KLF12: variants seen among roughly 807,000 people sequenced by gnomAD.
The protein encoded by KLF12 is KLF transcription factor 12, also known as Krueppel-like factor 12.
Under a neutral mutation model 37.8 loss-of-function variants are expected in KLF12, and 9 were observed. The observed-to-expected ratio is 0.24, with a 90% CI of 0.14 to 0.42. The LOEUF is 0.42. Among genes scored for constraint, KLF12 ranks in the 10% least tolerant of loss-of-function variants. The probability of loss-of-function intolerance (pLI) is 1.00; values close to 1 mark genes in which losing one functional copy is unlikely to be tolerated. For synonymous variants in KLF12, 208 were observed against 202.1 expected, an observed-to-expected ratio of 1.03 and a Z score of -0.25; for missense variants, 411 against 516.0, an observed-to-expected ratio of 0.80 and a Z score of 1.97.
At chr13:74,283,858 C>CTT in the KLF12 span, among the ~76,000 whole-genome samples, 235 of 143,544 alleles carry the variant, frequency 1.6e-3, 1 homozygote, top group Middle Eastern at 0.011. Flanking sequence ...ATGTATAAAT[C>CTT]TTTTTTTTTT....
intron 1 of KLF12, among the ~76,000 whole-genome samples, chr13:74,072,794 T>G (rs530715166): frequency 1.3e-5 from 2 of 152,288 alleles, no homozygotes; most frequent in African/African-American, 4.8e-5. Flanking sequence ...AAACTCTCCT[T>G]TCTTAAATAA....
At chr13:74,232,744 A>T in the KLF12 span, among the ~76,000 whole-genome samples, 1 of 152,210 alleles carries the variant, frequency 6.6e-6, no homozygotes, top group Non-Finnish European at 1.5e-5. Context: ...TTCTATTTCT[A>T]TCTTGATAAT....
At chr13:73,909,469 C>A (rs1015087680) in intron 3 of KLF12, among the ~76,000 whole-genome samples, 4 of 152,126 alleles carry the variant, frequency 2.6e-5, no homozygotes, top group African/African-American at 9.7e-5. Context: ...CACATATATG[C>A]CTGTTCCTCT....
At chr13:74,279,099 T>C in the KLF12 span, among the ~76,000 whole-genome samples, 1 of 152,180 alleles carries the variant, frequency 6.6e-6, no homozygotes, top group Non-Finnish European at 1.5e-5. Flanking sequence ...TGGGTCATAT[T>C]ACTCTGCCCA....
intron 1 of KLF12, among the ~76,000 whole-genome samples, chr13:74,066,005 A>T (rs891202514): frequency 6.6e-6 from 1 of 152,146 alleles, no homozygotes; most frequent in Non-Finnish European, 1.5e-5. Context: ...CGCGGACATA[A>T]AAAGATTAGG....
chr13:73,716,881 C>CA (rs1376457553), intron 6 of KLF12, among the ~76,000 whole-genome samples: 1 of 152,026 alleles, frequency 6.6e-6, no homozygotes, highest in African/African-American at 2.4e-5. Context: ...TAACCATCTC[C>CA]AAAATCAGAA....
chr13:73,748,374 G>A (rs922013606), intron 6 of KLF12, among the ~76,000 whole-genome samples: 5 of 152,088 alleles, frequency 3.3e-5, no homozygotes, highest in African/African-American at 4.8e-5. Context: ...AAATTCACAC[G>A]TTGAAGCCAT....
At chr13:73,873,320 C>T (rs899314680) in intron 3 of KLF12, among the ~76,000 whole-genome samples, 48 of 152,026 alleles carry the variant, frequency 3.2e-4, no homozygotes, top group African/African-American at 1.1e-3. Flanking sequence ...TATCATCTGC[C>T]AGACAACTGA....
chr13:73,853,057 T>G (rs992875081), intron 3 of KLF12, among the ~76,000 whole-genome samples: 8 of 151,744 alleles, frequency 5.3e-5, no homozygotes, highest in African/African-American at 1.9e-4. Context: ...TTAGTAGAGA[T>G]AGGGTTTCAC....
chr13:74,111,939 G>C (rs907133298), intron 1 of KLF12, among the ~76,000 whole-genome samples: 4 of 152,118 alleles, frequency 2.6e-5, no homozygotes, highest in Admixed American at 2.6e-4. Flanking sequence ...TTTAAGGCTA[G>C]AAAGTCATAA....
In KLF12 at chr13:73,845,861, C is replaced by A. The variant is rs1193526247; in HGVS notation, c.636G>T (p.Val212=). 1 of 1,613,964 alleles carries A rather than the reference C, an allele frequency of 6.2e-7. No individual in the cohort carries two copies. The highest frequency in any genetic ancestry group is 8.5e-7 in the Non-Finnish European group (1 of 1,179,874). The change falls in exon 4 of 8, where the codon GTG becomes GTT. Residue 212 remains valine (V), a synonymous_variant. Coordinates refer to ENST00000377669, the MANE Select transcript of KLF12 (RefSeq NM_007249.5). ...GGCCTCTCCCATCCTCCAAAAGCGG[C>A]ACGACAATAGTGTTGTTCACATTTC...
At chr13:73,868,908 A>G (rs1028548660) in intron 3 of KLF12, among the ~76,000 whole-genome samples, 1 of 152,180 alleles carries the variant, frequency 6.6e-6, no homozygotes, top group Non-Finnish European at 1.5e-5. Flanking sequence ...ACCTGCCTAA[A>G]TTTACAAATT....
chr13:74,241,339 C>G, the KLF12 span, among the ~76,000 whole-genome samples: 12 of 152,282 alleles, frequency 7.9e-5, no homozygotes, highest in South Asian at 2.5e-3. Context: ...AACCACTGCT[C>G]TCTTCAAAGC....
At chr13:74,275,795 TTTCTTTCTTTCC>T in the KLF12 span, among the ~76,000 whole-genome samples, 89 of 85,658 alleles carry the variant, frequency 1.0e-3, no homozygotes, top group African/African-American at 4.2e-3. Context: ...TCTTTCTTTC[TTTCTTTCTTTCC>T]TTCTTTCTTT....
intron 1 of KLF12, among the ~76,000 whole-genome samples, chr13:74,113,144 T>C (rs372286034): frequency 4.6e-5 from 7 of 152,112 alleles, no homozygotes; most frequent in South Asian, 4.1e-4. Flanking sequence ...GTTTGGTTCA[T>C]GAGGTTTAAG....
Position 74,022,470 on chromosome 13 carries a change from C to T in KLF12, c.-31-27417G>A, listed in dbSNP as rs115403124. Among the ~76,000 whole-genome samples, 618 of 152,126 alleles carry T rather than the reference C, an allele frequency of 4.1e-3. 3 individuals carry two copies. The highest frequency in any genetic ancestry group is 0.014 in the African/African-American group (590 of 41,566). ...AGTGGCCACAGTCTCCCACTTCTGC[C>T]ACATGGCATTTTTCAAATTTTGTCT... On this transcript the variant is annotated intron_variant, in intron 1 of 7. Coordinates refer to ENST00000377669, the MANE Select transcript of KLF12 (RefSeq NM_007249.5).
chr13:73,978,618 C>A (rs141885868), intron 2 of KLF12, among the ~76,000 whole-genome samples: 66 of 152,224 alleles, frequency 4.3e-4, no homozygotes, highest in Admixed American at 3.9e-3. Flanking sequence ...TTTTTAACCT[C>A]CCAAAGTCCA....
chr13:73,946,476 T>C (rs1890427996), intron 2 of KLF12, among the ~76,000 whole-genome samples: 1 of 152,224 alleles, frequency 6.6e-6, no homozygotes, highest in Admixed American at 6.5e-5. Flanking sequence ...ACTTAACACA[T>C]TTAAGTATCA....
chr13:73,847,028 G>C (rs888220794), intron 3 of KLF12, among the ~76,000 whole-genome samples: 3 of 152,104 alleles, frequency 2.0e-5, no homozygotes, highest in Admixed American at 2.0e-4. Context: ...TGATAATGTT[G>C]TTCAAGTTCA....
Sources: gnomAD v4.1 joint callset for allele counts (sites outside exome capture counted in the v4.1 genomes callset) on GRCh38, gnomAD v4.1.1 for gene constraint, MANE v1.5 for transcripts, NCBI Gene and HGNC (gene_info 2026-07-23, HGNC 2026-07-21) for gene names.